The following PCYT1A variants were observed in gnomAD, a reference collection of about 807,000 sequenced individuals.
The protein encoded by PCYT1A is choline-phosphate cytidylyltransferase A.
In PCYT1A, 25 loss-of-function variants were observed where a neutral mutation model predicts 43.7. The ratio of observed to expected loss-of-function variants is 0.57; its 90% CI spans 0.42 to 0.80. The LOEUF (loss-of-function observed/expected upper bound fraction) is 0.80. PCYT1A is among the 30% of genes least tolerant of loss of function. The probability of loss-of-function intolerance (pLI) is 0.00; values close to 1 mark genes in which losing one functional copy is unlikely to be tolerated. For synonymous variants in PCYT1A, 172 were observed against 170.7 expected (o/e 1.01, Z -0.06); for missense variants, 421 against 474.2 (o/e 0.89, Z 1.04).
chr3:196,264,110 C>A (rs770329527), intron 2 of PCYT1A, among the ~76,000 whole-genome samples: 2 of 152,148 alleles, frequency 1.3e-5, no homozygotes, highest in African/African-American at 2.4e-5. Flanking sequence ...TGCTTTTCCT[C>A]CTGGTATTTC....
At chr3:196,269,774 A>G (rs1725377906) in intron 2 of PCYT1A, among the ~76,000 whole-genome samples, 1 of 152,236 alleles carries the variant, frequency 6.6e-6, no homozygotes, top group South Asian at 2.1e-4. Context: ...AAAAAACAGC[A>G]GAAAAGACGC....
chr3:196,238,584 T>C lies in PCYT1A; in HGVS notation c.*104A>G. 3 of 766,954 alleles carry C rather than the reference T, an allele frequency of 3.9e-6. No individual in the cohort carries two copies. Among genetic ancestry groups the C allele is most frequent in the Non-Finnish European group, 6.0e-6 (3 of 496,432 alleles). The allele number at this position is 766,954 out of a possible 1,614,324, so 47.5% of individuals were successfully genotyped here. A position where few individuals can be genotyped will look rare whatever the true frequency, so the allele number is the denominator to read the frequency against. ...TCTTTCCCCAGTTGTCTTTCCTTTG[T>C]AGCTGTCCTTAGGTTTAGTGTTGGG... is the stretch of plus-strand genomic sequence containing the variant. On this transcript the variant is annotated 3_prime_UTR_variant, in exon 9 of 9. Coordinates refer to ENST00000431016, the MANE Select transcript of PCYT1A (RefSeq NM_001312673.2).
chr3:196,248,842 C>A (rs1446583223), intron 3 of PCYT1A, among the ~76,000 whole-genome samples: 1 of 151,860 alleles, frequency 6.6e-6, no homozygotes, highest in East Asian at 1.9e-4. Context: ...CTACAACCTG[C>A]AACTCCCGGA....
chr3:196,276,010 TGG>T (rs1237894310), intron 1 of PCYT1A, among the ~76,000 whole-genome samples: 2 of 149,460 alleles, frequency 1.3e-5, no homozygotes, highest in African/African-American at 4.9e-5. Flanking sequence ...GGCAGGAGAA[TGG>T]TGTGAACCCG....
rs960320350 is a variant in PCYT1A at position 196,242,647 on chromosome 3, A to G, written c.487-7T>C. The G allele has an allele frequency of 1.0e-5, 16 of 1,569,720 alleles. No homozygotes were observed. Among genetic ancestry groups the G allele is most frequent in the Middle Eastern group, 1.7e-4 (1 of 5,990 alleles). On this transcript the variant is annotated splice_polypyrimidine_tract_variant and splice_region_variant and intron_variant, in intron 5 of 8. Coordinates refer to ENST00000431016, the MANE Select transcript of PCYT1A (RefSeq NM_001312673.2). The surrounding 1 kb of genome is among the most constrained non-coding windows in gnomAD (Gnocchi z 4.2). ...CATGGGCTACAAAATCAATCTGAAA[A>G]TAAGGAAACATCATTAAAACCCATG...
intron 2 of PCYT1A, 142 bp from the exon 3 acceptor site, chr3:196,258,029 G>A: frequency 1.8e-6 from 1 of 554,590 alleles, no homozygotes; most frequent in Non-Finnish European, 3.2e-6. Flanking sequence ...ATTCCCGCCT[G>A]TAATCCCAGC....
chr3:196,270,343 G>A (rs1405939491), intron 2 of PCYT1A, 72 bp downstream of exon 2: 8 of 890,522 alleles, frequency 9.0e-6, no homozygotes, highest in Non-Finnish European at 1.5e-5. Flanking sequence ...TATTTCAGAA[G>A]ACATGTAACA....
At chr3:196,270,288 A>G in intron 2 of PCYT1A, 127 bp downstream of exon 2, 1 of 719,530 alleles carries the variant, frequency 1.4e-6, no homozygotes, top group Non-Finnish European at 2.5e-6. Context: ...AAGGCAGCAG[A>G]TTTCCAGTGA....
intron 2 of PCYT1A, among the ~76,000 whole-genome samples, chr3:196,262,898 G>A (rs1024553715): frequency 8.6e-5 from 13 of 151,342 alleles, no homozygotes; most frequent in Admixed American, 1.3e-4. Flanking sequence ...AGGATCAAGC[G>A]ATTCTCCTGC....
At position 196,242,005 on chromosome 3, in the gene PCYT1A, C is replaced by T. The variant is rs946538204; in HGVS notation, c.651G>A (p.Ala217=). 43 of 1,614,028 alleles carry T rather than the reference C, an allele frequency of 2.7e-5. No homozygotes were observed. The highest frequency in any genetic ancestry group is 3.3e-5 in the South Asian group (3 of 91,080). ...TRIVRDYDVY[A]RRNLQRGYTA... is the part of the protein sequence containing the mutation. ...TGTAGCCCCTCTGCAGGTTCCGCCT[C>T]GCATACACATCATAATCCCGCACAA... The change falls in exon 7 of 9, where the codon GCG becomes GCA. Residue 217 remains alanine (A), a synonymous_variant. Coordinates refer to ENST00000431016, the MANE Select transcript of PCYT1A (RefSeq NM_001312673.2). The surrounding 1 kb of genome is among the most constrained non-coding windows in gnomAD (Gnocchi z 4.2).
intron 7 of PCYT1A, 174 bp from the exon 8 acceptor site, chr3:196,239,909 T>G: frequency 3.4e-6 from 2 of 584,054 alleles, no homozygotes; most frequent in South Asian, 4.5e-5. Context: ...ATGCTGTGGA[T>G]GCACACACAA....
intron 7 of PCYT1A, chr3:196,241,480 A>AATT: frequency 7.8e-7 from 1 of 1,284,562 alleles, no homozygotes. Context: ...TGCCCAGAAA[A>AATT]ATATATAGAG....
intron 1 of PCYT1A, among the ~76,000 whole-genome samples, chr3:196,279,877 C>T (rs1045625856): frequency 7.2e-6 from 1 of 138,602 alleles, no homozygotes; most frequent in African/African-American, 2.7e-5. Context: ...TCCTGTTGCC[C>T]AGGCTGGAGT....
intron 2 of PCYT1A, 132 bp downstream of exon 2, chr3:196,270,280 GGCA>G (rs1725392226): frequency 1.4e-6 from 1 of 705,104 alleles, no homozygotes; most frequent in East Asian, 2.5e-5. Context: ...CCAGTAAAAA[GGCA>G]GCAGATTTCC....
rs1351334780 is a variant in PCYT1A, at chr3:196,242,096, T to G, written c.566-6A>C. On this transcript the variant is annotated splice_region_variant and splice_polypyrimidine_tract_variant and intron_variant, in intron 6 of 8. Coordinates refer to ENST00000431016, the MANE Select transcript of PCYT1A (RefSeq NM_001312673.2). This position sits in a 1 kb window ranked among gnomAD's most constrained non-coding sequence, Gnocchi z 4.2. ...CTGTGTTGGAGCAAACATGCCTAAC[T>G]CAGAAACACATACAGACAAACACTG... The G allele has an allele frequency of 1.9e-6, 3 of 1,613,786 alleles. No homozygotes were observed. The South Asian group carries it at 3.3e-5, about 18-fold the overall frequency.
At chr3:196,280,298 G>C (rs1725727815) in intron 1 of PCYT1A, among the ~76,000 whole-genome samples, 1 of 152,196 alleles carries the variant, frequency 6.6e-6, no homozygotes, top group Non-Finnish European at 1.5e-5. Flanking sequence ...CCCCTAGAGA[G>C]TATGGACCCT....
chr3:196,267,716 CA>C (rs914922215), intron 2 of PCYT1A, among the ~76,000 whole-genome samples: 75 of 131,174 alleles, frequency 5.7e-4, no homozygotes, highest in Non-Finnish European at 6.1e-4. Flanking sequence ...GACCCTGTCT[CA>C]AAAAAAAAAA....
chr3:196,274,278 C>A lies in PCYT1A; in HGVS notation c.-10-3737G>T, dbSNP rs1172887563. On this transcript the variant is annotated intron_variant, in intron 1 of 8. Transcript: ENST00000431016. Reference sequence around the variant, plus strand: ...TGTAGCCACGGCTGCTCCCGCCCTGCCAACTTGGAAACGGGCAGGGCTTCC... The same window carrying A: ...TGTAGCCACGGCTGCTCCCGCCCTGACAACTTGGAAACGGGCAGGGCTTCC... Among the ~76,000 whole-genome samples, 3 of 152,326 alleles carry A rather than the reference C, an allele frequency of 2.0e-5. No homozygotes were observed. The East Asian group carries it at 5.8e-4, about 29-fold the overall frequency.
rs1244778807 is a variant in PCYT1A at position 196,268,610 on chromosome 3, C to A, written c.117+1805G>T. On this transcript the variant is annotated intron_variant, in intron 2 of 8. Transcript: ENST00000431016. The surrounding 1 kb of genome is among the most constrained non-coding windows in gnomAD (Gnocchi z 4.4). ...GACCAGCCTGGGCAACATAGCAAGA[C>A]CCTTACTCTAAAAATAAAAATAAAA... Among the ~76,000 whole-genome samples the A allele has an allele frequency of 1.3e-5, 2 of 151,934 alleles. No individual in the cohort carries two copies. Among genetic ancestry groups the A allele is most frequent in the East Asian group, 3.9e-4 (2 of 5,190 alleles).
Sources: allele counts gnomAD v4.1 joint callset (sites outside exome capture counted in the v4.1 genomes callset), GRCh38; gene constraint gnomAD v4.1.1; non-coding constraint Gnocchi (gnomAD v3.1); transcripts MANE v1.5; gene names NCBI Gene and HGNC (gene_info 2026-07-23, HGNC 2026-07-21).